Variants in PCDHA3 observed in about 807,000 individuals in gnomAD.
The protein encoded by PCDHA3 is protocadherin alpha 3.
PCDHA3 carries 41 observed loss-of-function variants against 62.2 expected under a neutral mutation model. That is an observed-to-expected ratio of 0.66 (90% confidence interval 0.51 to 0.86). PCDHA3 has a LOEUF of 0.86. Ranked by LOEUF, PCDHA3 falls within the 40% of genes least tolerant of loss-of-function variation. The pLI is 0.00. For synonymous variants in PCDHA3, 640 were observed against 555.4 expected, an observed-to-expected ratio of 1.15 and a Z score of -2.14; for missense variants, 1,304 against 1,241.2, an observed-to-expected ratio of 1.05 and a Z score of -0.76.
At chr5:140,917,518 C>T (rs1159309425) in intron 1 of PCDHA3, among the ~76,000 whole-genome samples, 3 of 152,198 alleles carry the variant, frequency 2.0e-5, no homozygotes, top group Non-Finnish European at 4.4e-5. Context: ...AGGTTTTATT[C>T]TACGGTTTGT....
intron 1 of PCDHA3, among the ~76,000 whole-genome samples, chr5:140,936,532 A>G (rs1431070462): frequency 6.6e-6 from 1 of 152,222 alleles, no homozygotes; most frequent in East Asian, 1.9e-4. Context: ...ATTGCTTTTG[A>G]ATATAGTGCA....
intron 1 of PCDHA3, among the ~76,000 whole-genome samples, chr5:140,887,879 A>G (rs956379948): frequency 1.3e-5 from 2 of 152,154 alleles, no homozygotes; most frequent in South Asian, 4.1e-4. Context: ...TTCCTTTTGT[A>G]GTATCATATC....
At chr5:140,951,440 A>G (rs1296002857) in intron 1 of PCDHA3, among the ~76,000 whole-genome samples, 2 of 152,004 alleles carry the variant, frequency 1.3e-5, no homozygotes, top group Non-Finnish European at 2.9e-5. Flanking sequence ...TGTAGGAAGC[A>G]TGATGCCGGC....
chr5:140,924,050 A>T (rs1554201725), intron 1 of PCDHA3, among the ~76,000 whole-genome samples: 1 of 152,250 alleles, frequency 6.6e-6, no homozygotes, highest in African/African-American at 2.4e-5. Flanking sequence ...AAAGTTCGGT[A>T]CATCTTTACA....
chr5:140,900,214 T>C (rs782509259), intron 1 of PCDHA3, among the ~76,000 whole-genome samples: 3 of 152,216 alleles, frequency 2.0e-5, no homozygotes, highest in Non-Finnish European at 4.4e-5. Flanking sequence ...ATCCAGGTTG[T>C]TGCAAATGAC....
intron 1 of PCDHA3, chr5:140,843,071 T>C (rs2150189286): frequency 2.5e-6 from 4 of 1,595,230 alleles, no homozygotes; most frequent in East Asian, 2.2e-5. Context: ...GGTGCCGCGG[T>C]CTGTGGGCGC....
intron 1 of PCDHA3, chr5:140,871,036 C>T: frequency 6.2e-7 from 1 of 1,613,274 alleles, no homozygotes; most frequent in Non-Finnish European, 8.5e-7. Context: ...GCCGCGCCAC[C>T]GACTTCTAGT....
chr5:141,002,918 GAACACCCTCC>G (rs1554258833), intron 3 of PCDHA3, among the ~76,000 whole-genome samples: 1 of 152,192 alleles, frequency 6.6e-6, no homozygotes, highest in Non-Finnish European at 1.5e-5. Flanking sequence ...TCAGAAAAGT[GAACACCCTCC>G]AACACCCTCC....
chr5:140,805,317 A>T, intron 1 of PCDHA3: 6 of 1,278,578 alleles, frequency 4.7e-6, no homozygotes, highest in Non-Finnish European at 5.9e-6. Flanking sequence ...CCTTTTTTCC[A>T]ATGTGCTTGA....
chr5:140,971,642 A>G (rs1586490477), intron 1 of PCDHA3, among the ~76,000 whole-genome samples: 1 of 152,330 alleles, frequency 6.6e-6, no homozygotes, highest in East Asian at 1.9e-4. Flanking sequence ...ATGTGCCTAC[A>G]TTAAAAGTAG....
intron 3 of PCDHA3, 155 bp downstream of exon 3, chr5:140,982,718 T>A: frequency 1.1e-6 from 1 of 924,050 alleles, no homozygotes; most frequent in Non-Finnish European, 1.3e-6. Flanking sequence ...CATATATGAT[T>A]ATTTTGATTT....
chr5:141,009,935 T>C lies in PCDHA3; in HGVS notation c.2851T>C (p.Ter951ArgextTer53). The change falls in exon 4 of 4, where the codon TGA (stop) becomes CGA (arginine). Residue 951 changes from the stop codon to arginine, a stop_lost. Coordinates refer to ENST00000522353, the MANE Select transcript of PCDHA3 (RefSeq NM_018906.3). ...CAGCACGACTGACAACAGTGACCAG[T>C]GAGGTCCTCAAATGGAAACAAGCCA... ...GNSTTDNSDQ[*>R] 1.2e-6 allele frequency: 2 copies of C among 1,602,416 alleles called. No homozygotes were observed. The highest frequency in any genetic ancestry group is 1.7e-6 in the Non-Finnish European group (2 of 1,176,054).
chr5:140,999,975 A>G (rs952038024), intron 3 of PCDHA3, among the ~76,000 whole-genome samples: 3 of 152,078 alleles, frequency 2.0e-5, no homozygotes, highest in African/African-American at 7.2e-5. Context: ...TAGCAGCTCT[A>G]GCGGCCTCTG....
intron 3 of PCDHA3, among the ~76,000 whole-genome samples, chr5:140,995,361 G>C (rs567350687): frequency 1.1e-3 from 168 of 152,090 alleles, no homozygotes; most frequent in African/African-American, 3.4e-3. Flanking sequence ...TCGGACAGAG[G>C]GATGATTCAC....
intron 1 of PCDHA3, among the ~76,000 whole-genome samples, chr5:140,874,484 G>A (rs1438670057): frequency 6.6e-6 from 1 of 152,190 alleles, no homozygotes; most frequent in African/African-American, 2.4e-5. Context: ...AAAGCAAAAG[G>A]TTGATATCAA....
intron 1 of PCDHA3, chr5:140,842,497 T>A: frequency 6.2e-7 from 1 of 1,613,888 alleles, no homozygotes; most frequent in East Asian, 2.2e-5. Context: ...TGATGCCCCA[T>A]GTCCCCTTCA....
intron 1 of PCDHA3, chr5:140,860,966 T>A (rs2046677867): frequency 6.6e-6 from 1 of 152,238 alleles, no homozygotes; most frequent in African/African-American, 2.4e-5. Context: ...CTAGATCTCC[T>A]GACCTCGTGA....
At chr5:140,926,864 T>C in intron 1 of PCDHA3, 1 of 1,522,480 alleles carries the variant, frequency 6.6e-7, no homozygotes, top group South Asian at 1.3e-5. Flanking sequence ...GTGTAGCGTG[T>C]TGGTGGAACG....
chr5:140,926,976 GGA>G (rs1184794302), intron 1 of PCDHA3: 3 of 1,610,286 alleles, frequency 1.9e-6, no homozygotes, highest in Non-Finnish European at 2.5e-6. Context: ...CAGTGCCGGA[GGA>G]GACGGAGCGG....
Sources: gnomAD v4.1 joint callset for allele counts (sites outside exome capture counted in the v4.1 genomes callset) on GRCh38, gnomAD v4.1.1 for gene constraint, MANE v1.5 for transcripts, NCBI Gene and HGNC (gene_info 2026-07-23, HGNC 2026-07-21) for gene names.